METAP1: variants seen among roughly 807,000 people sequenced by gnomAD.
METAP1 encodes methionine aminopeptidase 1.
A neutral mutation model predicts 53.8 loss-of-function variants in METAP1; 28 were observed. The observed-to-expected ratio is 0.52, with a 90% CI of 0.39 to 0.71. The LOEUF is 0.71. METAP1 is among the 30% of genes least tolerant of loss of function. The pLI is 0.00. For synonymous variants in METAP1, 181 were observed against 165.7 expected, an observed-to-expected ratio of 1.09 and a Z score of -0.71; for missense variants, 389 against 479.8, an observed-to-expected ratio of 0.81 and a Z score of 1.77.
intron 1 of METAP1, chr4:99,022,906 A>G (rs7683532): frequency 0.065 from 97,553 of 1,505,672 alleles, 10,391 homozygotes; most frequent in East Asian, 0.61. Flanking sequence ...TCAGCCTGAA[A>G]GAACGCATCT....
In METAP1 at chr4:99,022,451, G is replaced by T. The variant is rs1490566254; in HGVS notation, c.115-6416G>T. The T allele has an allele frequency of 4.7e-6, 3 of 632,476 alleles. No homozygotes were observed. The African/African-American group carries it at 5.5e-5, about 12-fold the overall frequency. The allele number at this position is 632,476 out of a possible 1,614,324, so 39.2% of individuals were successfully genotyped here. A position where few individuals can be genotyped will look rare whatever the true frequency, so the allele number is the denominator to read the frequency against. Reference sequence around the variant, plus strand: ...TGAGCCCATTCACACCCTACTGGCTGTGCTGCTTTCCGGGCCCTCAGTTCC... The same window carrying T: ...TGAGCCCATTCACACCCTACTGGCTTTGCTGCTTTCCGGGCCCTCAGTTCC... On this transcript the variant is annotated intron_variant, in intron 1 of 10. Coordinates refer to ENST00000296411, the MANE Select transcript of METAP1 (RefSeq NM_015143.3).
intron 1 of METAP1, among the ~76,000 whole-genome samples, chr4:99,007,561 T>A (rs1723238237): frequency 6.6e-6 from 1 of 151,972 alleles, no homozygotes; most frequent in Admixed American, 6.6e-5. Context: ...CAATAGCTGA[T>A]CTTTTTTTTT....
At chr4:99,020,089 C>T (rs746534312) in intron 1 of METAP1, among the ~76,000 whole-genome samples, 3 of 152,104 alleles carry the variant, frequency 2.0e-5, no homozygotes, top group Admixed American at 6.5e-5. Context: ...ATATTTTGAC[C>T]GGCAGGGTAA....
At chr4:99,037,332 A>G (rs988470420) in intron 4 of METAP1, among the ~76,000 whole-genome samples, 21 of 151,912 alleles carry the variant, frequency 1.4e-4, no homozygotes, top group African/African-American at 5.1e-4. Context: ...TCAGTGTTTT[A>G]TTTTACAGTG....
chr4:99,049,358 T>C (rs1359036026), intron 9 of METAP1, among the ~76,000 whole-genome samples: 2 of 152,186 alleles, frequency 1.3e-5, no homozygotes, highest in African/African-American at 2.4e-5. Context: ...AAAGTAACCT[T>C]ATTTTGGCAA....
chr4:99,031,373 G>A, intron 2 of METAP1: 1 of 1,088,998 alleles, frequency 9.2e-7, no homozygotes, highest in Non-Finnish European at 1.2e-6. Flanking sequence ...AAGTAAAGGT[G>A]GAATAATTTG....
At chr4:99,021,329 G>A (rs1724093713) in intron 1 of METAP1, among the ~76,000 whole-genome samples, 1 of 152,008 alleles carries the variant, frequency 6.6e-6, no homozygotes, top group African/African-American at 2.4e-5. Flanking sequence ...AGGTCTCCTG[G>A]TCCCGCGGTT....
rs373061078 is a variant in METAP1, at chr4:99,019,062, T to C, written c.115-9805T>C. ...AGCATTAAGTCTCTTCCTAACAAAT[T>C]AGTGCCTGCTTCAGGAATTAATGGA... On this transcript the variant is annotated intron_variant, in intron 1 of 10. Transcript: ENST00000296411. 1.1e-4 allele frequency among the ~76,000 whole-genome samples: 16 copies of C among 152,330 alleles called. No individual in the cohort carries two copies. In the East Asian group the frequency reaches 3.1e-3, roughly 29 times the overall value.
chr4:99,039,636 C>T (rs902505887), intron 5 of METAP1, among the ~76,000 whole-genome samples, 171 bp downstream of exon 5: 15 of 151,590 alleles, frequency 9.9e-5, no homozygotes, highest in Admixed American at 4.6e-4. Context: ...CTCTGTCGCC[C>T]AGGCTGGAGT....
chr4:99,041,561 A>G (rs1471486417), intron 6 of METAP1, among the ~76,000 whole-genome samples: 2 of 152,112 alleles, frequency 1.3e-5, no homozygotes, highest in Non-Finnish European at 2.9e-5. Flanking sequence ...GGGATTAAAA[A>G]TAAATAAATA....
chr4:99,058,570 G>A (rs1727313683), intron 10 of METAP1, among the ~76,000 whole-genome samples: 1 of 152,056 alleles, frequency 6.6e-6, no homozygotes, highest in Non-Finnish European at 1.5e-5. Context: ...GAGCTTTCTG[G>A]TTAGGGGATG....
chr4:99,028,963 C>A, intron 2 of METAP1, 45 bp downstream of exon 2: 1 of 1,300,354 alleles, frequency 7.7e-7, no homozygotes, highest in Non-Finnish European at 1.1e-6. Context: ...TTAGAAGTGG[C>A]ATTTGTGCCA....
intron 1 of METAP1, among the ~76,000 whole-genome samples, 197 bp from the exon 2 acceptor site, chr4:99,028,670 T>C (rs910129216): frequency 3.3e-5 from 5 of 152,212 alleles, no homozygotes; most frequent in African/African-American, 4.8e-5. Context: ...TTATTTGAAA[T>C]AAAGTTTAGG....
At chr4:99,023,048 G>A in intron 1 of METAP1, 1 of 1,392,644 alleles carries the variant, frequency 7.2e-7, no homozygotes, top group Non-Finnish European at 9.7e-7. Context: ...GATTCCTCCT[G>A]CTCCTCCTCC....
intron 1 of METAP1, chr4:98,997,349 G>C (rs1722686045): frequency 6.5e-6 from 1 of 152,952 alleles, no homozygotes. Context: ...CTTGCACGTG[G>C]AGGAGTGTTG....
At chr4:99,004,606 C>T (rs1723093196) in intron 1 of METAP1, among the ~76,000 whole-genome samples, 1 of 151,952 alleles carries the variant, frequency 6.6e-6, no homozygotes, top group Non-Finnish European at 1.5e-5. Context: ...AAGAACATTA[C>T]CAGGAAAACA....
chr4:99,012,796 A>G (rs1579251605), intron 1 of METAP1, among the ~76,000 whole-genome samples: 1 of 151,982 alleles, frequency 6.6e-6, no homozygotes. Flanking sequence ...GATTTTATAC[A>G]TTTTAGGGGG....
chr4:99,000,511 A>G (rs755402067), intron 1 of METAP1, among the ~76,000 whole-genome samples: 9 of 152,180 alleles, frequency 5.9e-5, no homozygotes, highest in Non-Finnish European at 1.2e-4. Context: ...CTCATATGTA[A>G]TGTTATTAAA....
At chr4:99,024,936 ATCT>A (rs1282108802) in intron 1 of METAP1, among the ~76,000 whole-genome samples, 2 of 152,188 alleles carry the variant, frequency 1.3e-5, no homozygotes, top group Non-Finnish European at 2.9e-5. Context: ...TCTACCTCAG[ATCT>A]TCGAGAATTA....
Sources: gnomAD v4.1 joint callset for allele counts (sites outside exome capture counted in the v4.1 genomes callset) on GRCh38, gnomAD v4.1.1 for gene constraint, MANE v1.5 for transcripts, NCBI Gene and HGNC (gene_info 2026-07-23, HGNC 2026-07-21) for gene names.